The following PRORP variants were observed in gnomAD, a reference collection of about 807,000 sequenced individuals.
The protein encoded by PRORP is protein only RNase P catalytic subunit.
In PRORP, 51 loss-of-function variants were observed where a neutral mutation model predicts 59.4. The observed-to-expected ratio is 0.86, with a 90% CI of 0.69 to 1.08. PRORP has a LOEUF of 1.08. Among genes scored for constraint, PRORP ranks in the 50% least tolerant of loss-of-function variants. PRORP has a pLI of 0.00. For missense variants in PRORP, 646 were observed against 690.3 expected (o/e 0.94, Z 0.72); for synonymous variants, 231 against 245.6 (o/e 0.94, Z 0.55).
chr14:35,248,008 A>G (rs1306580205), intron 5 of PRORP, among the ~76,000 whole-genome samples: 1 of 152,164 alleles, frequency 6.6e-6, no homozygotes, highest in Non-Finnish European at 1.5e-5. Context: ...CAGAGAAGAT[A>G]GTGGTGAGCA....
intron 5 of PRORP, among the ~76,000 whole-genome samples, chr14:35,229,952 G>A (rs1433528269): frequency 6.6e-6 from 1 of 150,686 alleles, no homozygotes. Context: ...TTAGAAACTA[G>A]TTGATTACAT....
chr14:35,218,485 A>AAAAAAAG (rs1348565728), intron 5 of PRORP, among the ~76,000 whole-genome samples: 6 of 133,110 alleles, frequency 4.5e-5, no homozygotes, highest in African/African-American at 1.4e-4. Flanking sequence ...AAAAAAAAAA[A>AAAAAAAG]CCAACAACAA....
At chr14:35,233,362 T>G (rs568472821) in intron 5 of PRORP, among the ~76,000 whole-genome samples, 1 of 149,220 alleles carries the variant, frequency 6.7e-6, no homozygotes, top group South Asian at 2.2e-4. Flanking sequence ...ACAATGAATA[T>G]TGCCTCTAGA....
chr14:35,186,463 A>G (rs972709683), intron 5 of PRORP, among the ~76,000 whole-genome samples: 2 of 151,984 alleles, frequency 1.3e-5, no homozygotes, highest in African/African-American at 2.4e-5. Context: ...CATCACCACT[A>G]TCCTATTCCA....
chr14:35,197,041 C>A (rs979503817), intron 5 of PRORP, among the ~76,000 whole-genome samples: 3 of 152,124 alleles, frequency 2.0e-5, no homozygotes, highest in Non-Finnish European at 4.4e-5. Context: ...ACAAGATTTC[C>A]CCAATTGTTG....
chr14:35,168,901 T>G (rs948119283), intron 4 of PRORP, among the ~76,000 whole-genome samples: 2 of 152,084 alleles, frequency 1.3e-5, no homozygotes, highest in African/African-American at 2.4e-5. Flanking sequence ...TTAGAAATAT[T>G]TTGTGTGTGT....
intron 5 of PRORP, among the ~76,000 whole-genome samples, chr14:35,257,692 G>A (rs1372780175): frequency 6.6e-6 from 1 of 152,130 alleles, no homozygotes; most frequent in Admixed American, 6.5e-5. Flanking sequence ...GTATATTGAT[G>A]ATAGTTATCT....
chr14:35,165,695 T>C (rs1213909906), intron 4 of PRORP, among the ~76,000 whole-genome samples: 1 of 152,156 alleles, frequency 6.6e-6, no homozygotes, highest in Non-Finnish European at 1.5e-5. Flanking sequence ...GGTTTTTTTT[T>C]TGGAGACAGA....
intron 7 of PRORP, 113 bp downstream of exon 7, chr14:35,270,709 C>G: frequency 2.0e-6 from 2 of 1,006,176 alleles, no homozygotes; most frequent in Non-Finnish European, 2.9e-6. Context: ...TTATTTTTCT[C>G]AGTTTTAGGT....
At position 35,149,154 on chromosome 14, in the gene PRORP, C is replaced by T. The variant is rs112043046; in HGVS notation, c.1167+21543C>T. 5.8e-3 allele frequency among the ~76,000 whole-genome samples: 872 copies of T among 150,992 alleles called. 9 individuals carry two copies. Among genetic ancestry groups the T allele is most frequent in the South Asian group, 0.047 (224 of 4,754 alleles). ...CAGGATGGTCTCGATCTCCTGACCT[C>T]GTGATCCGCCCGCCTCGGCCTCCCA... On this transcript the variant is annotated intron_variant, in intron 4 of 7. Coordinates refer to ENST00000534898, the MANE Select transcript of PRORP (RefSeq NM_014672.4).
At position 35,170,772 on chromosome 14, in the gene PRORP, G is replaced by A. The variant is rs570972755; in HGVS notation, c.1168-9898G>A. Among the ~76,000 whole-genome samples the A allele has an allele frequency of 2.0e-5, 3 of 151,908 alleles. No homozygotes were observed. In the East Asian group the frequency reaches 5.8e-4, roughly 29 times the overall value. Reference sequence around the variant, plus strand: ...TTTGGTGTTTTTTCATTTCTTCCAAGTCTAGGTTTTCATCTGATATTATTT... The same window carrying A: ...TTTGGTGTTTTTTCATTTCTTCCAAATCTAGGTTTTCATCTGATATTATTT... On this transcript the variant is annotated intron_variant, in intron 4 of 7. Coordinates refer to ENST00000534898, the MANE Select transcript of PRORP (RefSeq NM_014672.4).
chr14:35,255,470 T>G (rs529362636), intron 5 of PRORP, among the ~76,000 whole-genome samples: 6 of 152,096 alleles, frequency 3.9e-5, no homozygotes, highest in Non-Finnish European at 8.8e-5. Flanking sequence ...AAGTACCACA[T>G]GCCTAGTGAC....
At chr14:35,161,219 G>A (rs2048051487) in intron 4 of PRORP, among the ~76,000 whole-genome samples, 1 of 152,098 alleles carries the variant, frequency 6.6e-6, no homozygotes, top group Admixed American at 6.6e-5. Context: ...CACATACAGG[G>A]GCTTTTATAG....
intron 4 of PRORP, among the ~76,000 whole-genome samples, chr14:35,145,191 G>A (rs987847021): frequency 6.9e-6 from 1 of 143,984 alleles, no homozygotes; most frequent in African/African-American, 2.4e-5. Flanking sequence ...TGGGCTTGTC[G>A]TGAACTCCTG....
intron 4 of PRORP, among the ~76,000 whole-genome samples, chr14:35,174,485 T>C (rs146934476): frequency 5.3e-5 from 8 of 152,318 alleles, no homozygotes; most frequent in African/African-American, 1.2e-4. Flanking sequence ...TCTGTTTTGT[T>C]TTGTTTGTCC....
intron 5 of PRORP, among the ~76,000 whole-genome samples, chr14:35,211,686 T>TA (rs913634275): frequency 2.0e-5 from 3 of 152,236 alleles, no homozygotes; most frequent in African/African-American, 7.2e-5. Context: ...ACTTTATTGC[T>TA]AAAAAATGCT....
At chr14:35,209,822 C>A (rs762211355) in intron 5 of PRORP, among the ~76,000 whole-genome samples, 52 of 152,198 alleles carry the variant, frequency 3.4e-4, no homozygotes, top group Admixed American at 7.9e-4. Context: ...AGGCGTGAGC[C>A]ACCATGCCTG....
intron 5 of PRORP, among the ~76,000 whole-genome samples, chr14:35,255,003 C>G (rs77840432): frequency 6.6e-6 from 1 of 152,100 alleles, no homozygotes; most frequent in Non-Finnish European, 1.5e-5. Flanking sequence ...TGGTGACTTC[C>G]CTGACCACCC....
At chr14:35,211,326 A>G (rs1200534435) in intron 5 of PRORP, among the ~76,000 whole-genome samples, 1 of 152,154 alleles carries the variant, frequency 6.6e-6, no homozygotes, top group Non-Finnish European at 1.5e-5. Context: ...CCACCTCTAA[A>G]GCATGTAAGT....
Sources: allele counts gnomAD v4.1 joint callset (sites outside exome capture counted in the v4.1 genomes callset), GRCh38; gene constraint gnomAD v4.1.1; transcripts MANE v1.5; gene names NCBI Gene and HGNC (gene_info 2026-07-23, HGNC 2026-07-21).